The following IL1RAPL2 variants were observed in gnomAD, a reference collection of about 807,000 sequenced individuals.
IL1RAPL2 encodes the protein interleukin 1 receptor accessory protein like 2.
In IL1RAPL2, 3 loss-of-function variants were observed where a neutral mutation model predicts 44.1. The observed-to-expected ratio is 0.07, with a 90% CI of 0.03 to 0.18. The LOEUF (loss-of-function observed/expected upper bound fraction) is 0.18, where lower values mean the gene tolerates loss of function less well. IL1RAPL2 is among the 10% of genes least tolerant of loss of function. IL1RAPL2 has a pLI of 1.00. For missense variants in IL1RAPL2, 391 were observed against 496.4 expected, an observed-to-expected ratio of 0.79 and a Z score of 2.02; for synonymous variants, 181 against 178.8, an observed-to-expected ratio of 1.01 and a Z score of -0.10.
chrX:105,065,066 A>C (rs1378477375), intron 2 of IL1RAPL2, among the ~76,000 whole-genome samples: 1 of 112,499 alleles, frequency 8.9e-6, no homozygotes, highest in South Asian at 3.7e-4. Context: ...GTTTTCTGGA[A>C]ACAAAGCTAT....
intron 5 of IL1RAPL2, among the ~76,000 whole-genome samples, chrX:105,334,500 G>A (rs1038083710): frequency 1.8e-5 from 2 of 111,395 alleles, no homozygotes; most frequent in Non-Finnish European, 3.8e-5. Context: ...TACATTTTAA[G>A]ATAACTAAGA....
chrX:105,272,133 G>A (rs1231548977), intron 5 of IL1RAPL2, among the ~76,000 whole-genome samples: 6 of 88,633 alleles, frequency 6.8e-5, no homozygotes, highest in Admixed American at 3.9e-4. Flanking sequence ...GGACTGTGGT[G>A]GGGTGGGGGG....
intron 1 of IL1RAPL2, among the ~76,000 whole-genome samples, chrX:104,603,916 G>A (rs1928941811): frequency 8.9e-6 from 1 of 111,858 alleles, no homozygotes; most frequent in Non-Finnish European, 1.9e-5. Context: ...CCCCAACCTA[G>A]CAAGACAGAC....
At chrX:104,730,684 C>T (rs372056246) in intron 2 of IL1RAPL2, among the ~76,000 whole-genome samples, 11 of 105,860 alleles carry the variant, frequency 1.0e-4, no homozygotes, top group Non-Finnish European at 2.0e-4. Flanking sequence ...AATAAACATA[C>T]GTGTGCATGT....
At position 104,946,388 on chromosome X, in the gene IL1RAPL2, A is replaced by AAAAAAAAAAAC. The variant is rs1217999980; in HGVS notation, c.83-249077_83-249076insCAAAAAAAAAA. ...GAGCAAGACTCCGTCTCAAAAAAAA[A>AAAAAAAAAAAC]AAAAAAAAAAAAAAAAAAAAACTTT... On this transcript the variant is annotated intron_variant, in intron 2 of 10. Coordinates refer to ENST00000372582, the MANE Select transcript of IL1RAPL2 (RefSeq NM_017416.2). 3.9e-4 allele frequency among the ~76,000 whole-genome samples: 35 copies of AAAAAAAAAAAC among 89,951 alleles called. 2 individuals carry two copies. The highest frequency in any genetic ancestry group is 1.3e-4 in the Admixed American group (1 of 7,904). 78.1% of individuals were successfully genotyped at this position (89,951 alleles called of 115,157 possible). A position where few individuals can be genotyped will look rare whatever the true frequency, so the allele number is the denominator to read the frequency against.
At chrX:104,676,304 A>C (rs1031839089) in intron 2 of IL1RAPL2, among the ~76,000 whole-genome samples, 5 of 111,326 alleles carry the variant, frequency 4.5e-5, no homozygotes, top group African/African-American at 1.6e-4. Context: ...GGTGGTGACA[A>C]AATCTCTCAG....
chrX:105,193,432 A>G (rs965550014), intron 2 of IL1RAPL2, among the ~76,000 whole-genome samples: 18 of 111,994 alleles, frequency 1.6e-4, no homozygotes, highest in Admixed American at 1.2e-3. Context: ...ACATACTTAT[A>G]TCATTACCTC....
intron 2 of IL1RAPL2, among the ~76,000 whole-genome samples, chrX:105,181,577 G>GT (rs2147605470): frequency 9.0e-6 from 1 of 111,557 alleles, no homozygotes; most frequent in African/African-American, 3.3e-5. Context: ...TAACACAGTG[G>GT]TTGTTCAGGA....
At chrX:105,529,506 A>G (rs2036617720) in intron 6 of IL1RAPL2, among the ~76,000 whole-genome samples, 2 of 110,953 alleles carry the variant, frequency 1.8e-5, no homozygotes, top group African/African-American at 6.5e-5. Flanking sequence ...CTTCATTAGT[A>G]TTACTATAGA....
chrX:104,869,279 T>G (rs754835609), intron 2 of IL1RAPL2, among the ~76,000 whole-genome samples: 7 of 111,545 alleles, frequency 6.3e-5, no homozygotes, highest in Non-Finnish European at 1.1e-4. Flanking sequence ...GTTTGATATA[T>G]GTATACAATG....
chrX:104,794,306 G>A (rs1238263309), intron 2 of IL1RAPL2, among the ~76,000 whole-genome samples: 3 of 111,950 alleles, frequency 2.7e-5, no homozygotes, highest in South Asian at 7.5e-4. Context: ...GCTGGAGGTC[G>A]GAGGAGGGAG....
rs757793419 is a variant in IL1RAPL2, at chrX:105,002,804, C to T, written c.83-192671C>T. Among the ~76,000 whole-genome samples, 261 of 110,319 alleles carry T rather than the reference C, an allele frequency of 2.4e-3. 1 individual carries two copies. Among genetic ancestry groups the T allele is most frequent in the Non-Finnish European group, 2.3e-3 (119 of 52,576 alleles). On this transcript the variant is annotated intron_variant, in intron 2 of 10. Coordinates refer to ENST00000372582, the MANE Select transcript of IL1RAPL2 (RefSeq NM_017416.2). ...GAGTATTCTTAAGGAGTAAAAATGG[C>T]TTAAAGAAAATTGATCTGTGACGCT...
chrX:104,751,611 A>G (rs1932260534), intron 2 of IL1RAPL2, among the ~76,000 whole-genome samples: 1 of 111,499 alleles, frequency 9.0e-6, no homozygotes, highest in African/African-American at 3.3e-5. Context: ...CTATTAGTCC[A>G]AAATGGACTT....
At chrX:104,945,543 G>C in intron 2 of IL1RAPL2, among the ~76,000 whole-genome samples, 1 of 111,637 alleles carries the variant, frequency 9.0e-6, no homozygotes, top group Non-Finnish European at 1.9e-5. Context: ...AGAATCAAGT[G>C]TATGATATAC....
chrX:105,045,616 T>G (rs2031827073), intron 2 of IL1RAPL2, among the ~76,000 whole-genome samples: 1 of 111,914 alleles, frequency 8.9e-6, no homozygotes, highest in Non-Finnish European at 1.9e-5. Flanking sequence ...GGTGTGATCA[T>G]AGCTCACTGC....
At chrX:105,024,227 C>T (rs1784985401) in intron 2 of IL1RAPL2, among the ~76,000 whole-genome samples, 1 of 111,700 alleles carries the variant, frequency 9.0e-6, no homozygotes, top group Admixed American at 9.5e-5. Flanking sequence ...TTCAAATTCT[C>T]ATTTGGCACT....
rs894121179 is a variant in IL1RAPL2, at chrX:105,078,272, G to T, written c.83-117203G>T. Among the ~76,000 whole-genome samples the T allele has an allele frequency of 4.5e-5, 5 of 112,075 alleles. No individual in the cohort carries two copies. The East Asian group carries it at 1.4e-3, about 32-fold the overall frequency. On this transcript the variant is annotated intron_variant, in intron 2 of 10. Transcript: ENST00000372582. ...TAACAGTCAGGACCCTTAGCTGCAG[G>T]TGTGTTGGAGTTTACTGGAGGTCCA...
At chrX:104,890,956 C>A (rs766360099) in intron 2 of IL1RAPL2, among the ~76,000 whole-genome samples, 14 of 111,667 alleles carry the variant, frequency 1.3e-4, no homozygotes, top group African/African-American at 4.2e-4. Context: ...TCTTTACTCC[C>A]TCTTGAATTA....
At chrX:105,710,394 T>C (rs1415450421) in intron 6 of IL1RAPL2, among the ~76,000 whole-genome samples, 1 of 95,909 alleles carries the variant, frequency 1.0e-5, no homozygotes, top group Non-Finnish European at 2.1e-5. Context: ...TTCCACCATC[T>C]GGGATAACTA....
Sources: gnomAD v4.1 joint callset for allele counts (sites outside exome capture counted in the v4.1 genomes callset) on GRCh38, gnomAD v4.1.1 for gene constraint, MANE v1.5 for transcripts, NCBI Gene and HGNC (gene_info 2026-07-23, HGNC 2026-07-21) for gene names.